Variants in ACSF3 observed in about 807,000 individuals in gnomAD.
ACSF3 encodes malonate--CoA ligase ACSF3, mitochondrial.
Under a neutral mutation model 53.2 loss-of-function variants are expected in ACSF3, and 78 were observed. The ratio of observed to expected loss-of-function variants is 1.47; its 90% CI spans 1.22 to 1.77. The LOEUF (loss-of-function observed/expected upper bound fraction) is 1.77. Among genes scored for constraint, ACSF3 ranks in the 40% most tolerant of loss-of-function variants. The pLI is 0.00. For missense variants in ACSF3, 937 were observed against 771.1 expected (o/e 1.22, Z -2.55); for synonymous variants, 414 against 333.1 (o/e 1.24, Z -2.65).
chr16:89,095,265 G>C (rs1362204777), intron 1 of ACSF3: 2 of 152,158 alleles, frequency 1.3e-5, no homozygotes, highest in Non-Finnish European at 2.9e-5. Flanking sequence ...CCTCAAGGCA[G>C]ACAGAAATGG....
chr16:89,100,763 G>A lies in ACSF3; in HGVS notation c.82G>A (p.Gly28Arg), dbSNP rs1252096189. The A allele has an allele frequency of 2.5e-6, 4 of 1,609,168 alleles. No individual in the cohort carries two copies. The highest frequency in any genetic ancestry group is 3.4e-6 in the Non-Finnish European group (4 of 1,179,880). ...SCRLAPARHR[G>R]SGLLHTAPVA... ...CCGGCTGGCGCCTGCGAGACACAGA[G>A]GAAGTGGTCTTCTGCACACAGCCCC... The change falls in exon 3 of 11, where the codon GGA (glycine) becomes AGA (arginine). Residue 28 changes from glycine (G) to arginine (R), a missense_variant. Coordinates refer to ENST00000614302, the MANE Select transcript of ACSF3 (RefSeq NM_001243279.3).
At chr16:89,103,992 C>T (rs1243321616) in intron 4 of ACSF3, among the ~76,000 whole-genome samples, 3 of 152,186 alleles carry the variant, frequency 2.0e-5, no homozygotes, top group Non-Finnish European at 4.4e-5. Context: ...CATCGGGCCT[C>T]GCCTGTCAGT....
intron 8 of ACSF3, among the ~76,000 whole-genome samples, chr16:89,139,337 T>A (rs767337319): frequency 6.6e-6 from 1 of 152,108 alleles, no homozygotes; most frequent in Non-Finnish European, 1.5e-5. Flanking sequence ...AGCATCCTCG[T>A]CTTCCCTCTT....
intron 7 of ACSF3, among the ~76,000 whole-genome samples, chr16:89,123,026 C>T (rs977943817): frequency 1.2e-4 from 19 of 152,312 alleles, no homozygotes; most frequent in East Asian, 1.9e-4. Context: ...AAGGTGAAGC[C>T]GCACAGATGC....
In ACSF3 at chr16:89,154,811, A is replaced by G. The variant is rs1418603314; in HGVS notation, c.*604A>G. ...TGTGGGGACACCTGCCACCCTGCACACTACTGTGTGTCCATCAGCATGTGT... is the reference window on the plus strand; with the variant it reads ...TGTGGGGACACCTGCCACCCTGCACGCTACTGTGTGTCCATCAGCATGTGT... On this transcript the variant is annotated 3_prime_UTR_variant, in exon 11 of 11. Transcript: ENST00000614302. 2.2e-6 allele frequency: 1 copy of G among 454,122 alleles called. No individual in the cohort carries two copies. The highest frequency in any genetic ancestry group is 2.3e-5 in the Admixed American group (1 of 42,584). The allele number at this position is 454,122 out of a possible 1,614,324, so 28.1% of individuals were successfully genotyped here.
chr16:89,095,980 A>G (rs1455666481), intron 1 of ACSF3, among the ~76,000 whole-genome samples: 3 of 152,140 alleles, frequency 2.0e-5, no homozygotes, highest in Non-Finnish European at 4.4e-5. Flanking sequence ...GCTGCGCTGC[A>G]TGTGTGTTCC....
intron 8 of ACSF3, among the ~76,000 whole-genome samples, chr16:89,143,255 C>T (rs1470135433): frequency 6.6e-6 from 1 of 152,148 alleles, no homozygotes; most frequent in African/African-American, 2.4e-5. Context: ...GCCTCAGCCC[C>T]GTGAGTAACT....
At chr16:89,124,270 C>T (rs1013130849) in intron 7 of ACSF3, among the ~76,000 whole-genome samples, 4 of 152,148 alleles carry the variant, frequency 2.6e-5, no homozygotes, top group East Asian at 1.9e-4. Context: ...GACTCCCTGA[C>T]GATGTCATAG....
Position 89,155,267 on chromosome 16 carries a change from C to T in ACSF3, c.*1060C>T, listed in dbSNP as rs1214444867. On this transcript the variant is annotated 3_prime_UTR_variant, in exon 11 of 11. Transcript: ENST00000614302. Reference sequence around the variant, plus strand: ...CAGCAGTGTCTGGCCTGAACTTACCCAGAACATTCTGCCCCCGGAATGCAC... The same window carrying T: ...CAGCAGTGTCTGGCCTGAACTTACCTAGAACATTCTGCCCCCGGAATGCAC... 2.2e-6 allele frequency: 1 copy of T among 454,134 alleles called. No individual in the cohort carries two copies. Among genetic ancestry groups the T allele is most frequent in the Admixed American group, 2.3e-5 (1 of 42,580 alleles). 28.1% of individuals were successfully genotyped at this position (454,134 alleles called of 1,614,324 possible).
At chr16:89,151,025 C>T (rs1913990919) in intron 10 of ACSF3, 1 of 1,288,752 alleles carries the variant, frequency 7.8e-7, no homozygotes, top group Non-Finnish European at 1.0e-6. Context: ...CATGAGTTTT[C>T]AGGTTGAAAG....
At chr16:89,112,371 C>CCT in intron 5 of ACSF3, 125 bp downstream of exon 5, 2 of 1,222,890 alleles carry the variant, frequency 1.6e-6, no homozygotes, top group Non-Finnish European at 2.4e-6. Flanking sequence ...TTCAATGTTC[C>CCT]CTCTCTCTCT....
At chr16:89,125,515 A>G (rs898730238) in intron 7 of ACSF3, among the ~76,000 whole-genome samples, 2 of 152,006 alleles carry the variant, frequency 1.3e-5, no homozygotes, top group African/African-American at 4.8e-5. Context: ...CCAACATGGT[A>G]AAACCCTGTC....
Position 89,128,909 on chromosome 16 carries a change from A to C in ACSF3, c.1240-4227A>C, listed in dbSNP as rs149678140. On this transcript the variant is annotated intron_variant, in intron 7 of 10. Transcript: ENST00000614302. ...TTTGGGAGGCCAAGGCAGGAGAATCACTGCCCAGGAGTTTGAGCCCAGCCT... is the reference window on the plus strand; with the variant it reads ...TTTGGGAGGCCAAGGCAGGAGAATCCCTGCCCAGGAGTTTGAGCCCAGCCT... 2.1e-3 allele frequency among the ~76,000 whole-genome samples: 322 copies of C among 152,230 alleles called. 2 individuals are homozygous for C. The highest frequency in any genetic ancestry group is 7.4e-3 in the African/African-American group (306 of 41,544).
At chr16:89,125,343 C>CAAAA (rs139116506) in intron 7 of ACSF3, among the ~76,000 whole-genome samples, 112 of 140,192 alleles carry the variant, frequency 8.0e-4, no homozygotes, top group East Asian at 1.8e-3. Flanking sequence ...AACTCTGTCT[C>CAAAA]AAAAAAAAAA....
chr16:89,120,166 C>T (rs1378840869), intron 6 of ACSF3, among the ~76,000 whole-genome samples: 1 of 152,246 alleles, frequency 6.6e-6, no homozygotes, highest in Non-Finnish European at 1.5e-5. Flanking sequence ...TGCCCCCACC[C>T]CGGCCAGTGT....
intron 6 of ACSF3, among the ~76,000 whole-genome samples, chr16:89,120,438 G>T (rs1906351052): frequency 6.6e-6 from 1 of 152,232 alleles, no homozygotes; most frequent in Non-Finnish European, 1.5e-5. Flanking sequence ...GTAAAAGTGG[G>T]AATGACACCA....
chr16:89,122,438 A>G (rs544184202), intron 7 of ACSF3: 15 of 450,108 alleles, frequency 3.3e-5, no homozygotes, highest in African/African-American at 3.0e-4. Flanking sequence ...CCCTGCTGGT[A>G]CTAGGCTGCT....
chr16:89,138,986 C>G (rs569805861), intron 8 of ACSF3, among the ~76,000 whole-genome samples: 1 of 152,196 alleles, frequency 6.6e-6, no homozygotes, highest in Admixed American at 6.5e-5. Flanking sequence ...TGCTTCTGTG[C>G]GGTCCCCGCA....
chr16:89,131,456 A>G (rs966937650), intron 7 of ACSF3, among the ~76,000 whole-genome samples: 1 of 151,206 alleles, frequency 6.6e-6, no homozygotes, highest in African/African-American at 2.4e-5. Context: ...AATTCCAATA[A>G]CTGTGTTGTC....
Sources: gnomAD v4.1 joint callset for allele counts (sites outside exome capture counted in the v4.1 genomes callset) on GRCh38, gnomAD v4.1.1 for gene constraint, MANE v1.5 for transcripts, NCBI Gene and HGNC (gene_info 2026-07-23, HGNC 2026-07-21) for gene names.